Variants in TLE4 observed in about 807,000 individuals in gnomAD.
The protein encoded by TLE4 is transducin-like enhancer protein 4.
TLE4 carries 8 observed loss-of-function variants against 92.8 expected under a neutral mutation model. That is an observed-to-expected ratio of 0.09 (90% CI 0.05 to 0.16). The LOEUF (loss-of-function observed/expected upper bound fraction) is 0.16. Among genes scored for constraint, TLE4 ranks in the 10% least tolerant of loss-of-function variants. The pLI, the probability that TLE4 is intolerant of heterozygous loss-of-function variation, is 1.00. For missense variants in TLE4, 675 were observed against 997.6 expected (o/e 0.68, Z 4.36); for synonymous variants, 371 against 374.1 (o/e 0.99, Z 0.10).
intron 4 of TLE4, among the ~76,000 whole-genome samples, chr9:79,598,285 C>T (rs1021245595): frequency 3.3e-5 from 5 of 151,156 alleles, no homozygotes; most frequent in Non-Finnish European, 7.4e-5. Flanking sequence ...AGACTCACTA[C>T]GAGTAATGCA....
In TLE4 at chr9:79,628,235, G is replaced by A. The variant is rs556621843; in HGVS notation, c.390+787G>A. On this transcript the variant is annotated intron_variant, in intron 6 of 19. Coordinates refer to ENST00000376552, the MANE Select transcript of TLE4 (RefSeq NM_007005.6). ...AAGCAGTTCCTTGGGTTATTCTAAT[G>A]AAGACACTACAACTGCACTTTCCTC... Among the ~76,000 whole-genome samples, 4 of 152,164 alleles carry A rather than the reference G, an allele frequency of 2.6e-5. No homozygotes were observed. In the South Asian group the frequency reaches 8.3e-4, roughly 32 times the overall value.
chr9:79,665,437 T>G (rs1210851587), intron 8 of TLE4, among the ~76,000 whole-genome samples: 1 of 152,174 alleles, frequency 6.6e-6, no homozygotes, highest in African/African-American at 2.4e-5. Context: ...AATATATTAA[T>G]GGATCGTTCC....
chr9:79,627,351 C>G (rs948297000), intron 5 of TLE4, 23 bp from the exon 6 acceptor site: 2 of 1,612,162 alleles, frequency 1.2e-6, no homozygotes, highest in Non-Finnish European at 1.7e-6. Context: ...TAATTGTATT[C>G]TGTTTCTGAT....
intron 8 of TLE4, among the ~76,000 whole-genome samples, chr9:79,669,177 G>A (rs2061866291): frequency 6.6e-6 from 1 of 152,118 alleles, no homozygotes; most frequent in Admixed American, 6.6e-5. Context: ...CTCAGAAGCT[G>A]AGGAGTTCAT....
chr9:79,610,305 A>C (rs894266967), intron 4 of TLE4, among the ~76,000 whole-genome samples: 1 of 152,014 alleles, frequency 6.6e-6, no homozygotes, highest in African/African-American at 2.4e-5. Context: ...GCCCCACGCC[A>C]TTATATTAGA....
chr9:79,584,566 G>A (rs745960065), intron 4 of TLE4, among the ~76,000 whole-genome samples: 8 of 152,134 alleles, frequency 5.3e-5, no homozygotes, highest in Admixed American at 3.9e-4. Context: ...CTGTGTACCC[G>A]GTGTTGAGCC....
At chr9:79,724,074 A>G (rs1015604654) in intron 19 of TLE4, among the ~76,000 whole-genome samples, 8 of 152,090 alleles carry the variant, frequency 5.3e-5, no homozygotes, top group Non-Finnish European at 1.2e-4. Flanking sequence ...ATTCTATGGT[A>G]TGTTTTTAAC....
At chr9:79,608,366 C>T (rs771498454) in intron 4 of TLE4, among the ~76,000 whole-genome samples, 3 of 151,952 alleles carry the variant, frequency 2.0e-5, no homozygotes, top group Admixed American at 6.6e-5. Context: ...AAGATATTTT[C>T]TGATTGAAAT....
Position 79,720,086 on chromosome 9 carries a change from A to G in TLE4, c.1631A>G (p.Asp544Gly). The G allele has an allele frequency of 1.2e-6, 2 of 1,613,786 alleles. No homozygotes were observed. The part of the protein sequence containing the change: ...NYIRSCRLLP[D>G]GRTLIVGGEA... ...ATCCGTTCCTGCAGATTGCTCCCTG[A>G]TGGTCGCACCCTAATTGTTGGAGGG... Residue 544 changes from aspartate to glycine, a missense_variant, in exon 16 of 20, where the codon GAT becomes GGT. Around this residue, in one of 5 missense-constraint regions of TLE4, gnomAD observed 170 missense variants for 359.6 expected, o/e 0.47. Coordinates refer to ENST00000376552, the MANE Select transcript of TLE4 (RefSeq NM_007005.6).
chr9:79,608,026 C>A (rs994172646), intron 4 of TLE4, among the ~76,000 whole-genome samples: 1 of 152,026 alleles, frequency 6.6e-6, no homozygotes. Flanking sequence ...CAAACAGAGA[C>A]AATTTGACTT....
intron 8 of TLE4, among the ~76,000 whole-genome samples, chr9:79,681,710 C>T (rs2064641540): frequency 6.6e-6 from 1 of 151,252 alleles, no homozygotes; most frequent in African/African-American, 2.4e-5. Context: ...TACATATTTT[C>T]CAAGGATTCC....
chr9:79,605,901 T>C (rs963980385), intron 4 of TLE4, among the ~76,000 whole-genome samples: 1 of 152,098 alleles, frequency 6.6e-6, no homozygotes, highest in Non-Finnish European at 1.5e-5. Flanking sequence ...ATTAGTAGAA[T>C]CATTGCTTTG....
At chr9:79,709,805 C>T in intron 14 of TLE4, 106 bp downstream of exon 14, 1 of 846,788 alleles carries the variant, frequency 1.2e-6, no homozygotes, top group Non-Finnish European at 1.8e-6. Context: ...GTTCCCATGA[C>T]TTGTATTTTT....
chr9:79,610,751 A>AT (rs928230346), intron 4 of TLE4, among the ~76,000 whole-genome samples: 6 of 152,154 alleles, frequency 3.9e-5, no homozygotes, highest in African/African-American at 9.6e-5. Flanking sequence ...AAAATGTAGA[A>AT]TTTTTTTAAA....
chr9:79,627,555 C>T (rs2052946613), intron 6 of TLE4, 107 bp downstream of exon 6: 4 of 1,111,698 alleles, frequency 3.6e-6, no homozygotes, highest in Admixed American at 2.2e-5. Flanking sequence ...CAATAGATGA[C>T]TACAAAATGA....
At chr9:79,574,844 G>A (rs762360597) in intron 2 of TLE4, 29 bp from the exon 3 acceptor site, 3 of 1,592,256 alleles carry the variant, frequency 1.9e-6, no homozygotes, top group Non-Finnish European at 2.6e-6. Flanking sequence ...TAAGATCATT[G>A]TACTTAGAGT....
chr9:79,596,068 G>C (rs1054966686), intron 4 of TLE4, among the ~76,000 whole-genome samples: 4 of 151,978 alleles, frequency 2.6e-5, no homozygotes, highest in Non-Finnish European at 5.9e-5. Context: ...GGATGGTCTC[G>C]ATCTCCTGAC....
chr9:79,643,208 C>T (rs922228445), intron 6 of TLE4, among the ~76,000 whole-genome samples: 2 of 152,196 alleles, frequency 1.3e-5, no homozygotes, highest in African/African-American at 4.8e-5. Context: ...CGTATCGTCA[C>T]TTTTGTTTTC....
chr9:79,673,063 G>C (rs1454555935), intron 8 of TLE4, among the ~76,000 whole-genome samples: 1 of 152,202 alleles, frequency 6.6e-6, no homozygotes, highest in African/African-American at 2.4e-5. Context: ...CCAGCAACCA[G>C]TGAAAAGGGC....
Sources: gnomAD v4.1 joint callset for allele counts (sites outside exome capture counted in the v4.1 genomes callset) on GRCh38, gnomAD v4.1.1 for gene constraint, gnomAD v4.1.1 regional missense constraint, MANE v1.5 for transcripts, NCBI Gene and HGNC (gene_info 2026-07-23, HGNC 2026-07-21) for gene names.